The following STAB2 variants were observed in gnomAD, a reference collection of about 807,000 sequenced individuals.
STAB2 encodes the protein stabilin 2.
A neutral mutation model predicts 338.1 loss-of-function variants in STAB2; 288 were observed. That is an observed-to-expected ratio of 0.85 (90% confidence interval 0.77 to 0.94). The LOEUF (loss-of-function observed/expected upper bound fraction) is 0.94. STAB2 is among the 40% of genes least tolerant of loss of function. The probability of loss-of-function intolerance (pLI) is 0.00; values close to 1 mark genes in which losing one functional copy is unlikely to be tolerated. For missense variants in STAB2, 3,141 were observed against 3,210.1 expected, an observed-to-expected ratio of 0.98 and a Z score of 0.52; for synonymous variants, 1,202 against 1,193.3, an observed-to-expected ratio of 1.01 and a Z score of -0.15.
intron 30 of STAB2, among the ~76,000 whole-genome samples, chr12:103,691,015 T>G (rs993622045): frequency 6.6e-6 from 1 of 152,194 alleles, no homozygotes; most frequent in Non-Finnish European, 1.5e-5. Context: ...CAACAACTAT[T>G]GAGCACCTAC....
intron 28 of STAB2, among the ~76,000 whole-genome samples, 167 bp downstream of exon 28, chr12:103,688,382 A>T (rs912477536): frequency 4.6e-5 from 7 of 152,176 alleles, no homozygotes; most frequent in African/African-American, 7.2e-5. Flanking sequence ...ACACATTTTT[A>T]AAAAATATTC....
chr12:103,696,670 G>A (rs189600195), intron 33 of STAB2, among the ~76,000 whole-genome samples: 61 of 152,280 alleles, frequency 4.0e-4, no homozygotes, highest in African/African-American at 1.4e-3. Context: ...AAATAGAGAA[G>A]GGGAGAAGAG....
chr12:103,761,356 C>T lies in STAB2; in HGVS notation c.7305C>T (p.Ser2435=), dbSNP rs757440880. The T allele has an allele frequency of 6.2e-7, 1 of 1,613,964 alleles. No individual in the cohort carries two copies. The highest frequency in any genetic ancestry group is 1.7e-5 in the Admixed American group (1 of 59,998). Reference sequence around the variant, plus strand: ...TTCTGCAGTGGGACATCTTTGCCTCCAATGGGATCATTCATGTCATTTCCA... The same window carrying T: ...TTCTGCAGTGGGACATCTTTGCCTCTAATGGGATCATTCATGTCATTTCCA... ...RAILQWDIFA[S]NGIIHVISRP... The change falls in exon 66 of 69, where the codon TCC becomes TCT. Residue 2435 remains serine, a synonymous_variant. Transcript: ENST00000388887.
At chr12:103,631,017 C>T (rs74791071) in intron 5 of STAB2, among the ~76,000 whole-genome samples, 2 of 152,230 alleles carry the variant, frequency 1.3e-5, no homozygotes, top group Non-Finnish European at 2.9e-5. Flanking sequence ...ACAAACCAAC[C>T]ACAAACTAAA....
At chr12:103,762,727 G>A (rs574859150) in intron 67 of STAB2, among the ~76,000 whole-genome samples, 104 of 152,318 alleles carry the variant, frequency 6.8e-4, no homozygotes, top group African/African-American at 2.5e-3. Flanking sequence ...TACCTTGGAG[G>A]ATTCACTGCA....
intron 44 of STAB2, among the ~76,000 whole-genome samples, chr12:103,720,410 T>C (rs1305058396): frequency 6.6e-6 from 1 of 152,200 alleles, no homozygotes; most frequent in African/African-American, 2.4e-5. Flanking sequence ...ACCCAAATCA[T>C]ATTGCTGCTC....
At chr12:103,623,502 C>T (rs900170278) in intron 5 of STAB2, among the ~76,000 whole-genome samples, 15 of 152,032 alleles carry the variant, frequency 9.9e-5, no homozygotes, top group Admixed American at 5.2e-4. Flanking sequence ...GTCAGAGTTA[C>T]GAAATATGAG....
intron 12 of STAB2, among the ~76,000 whole-genome samples, 196 bp from the exon 13 acceptor site, chr12:103,654,359 A>G (rs1398502840): frequency 6.6e-6 from 1 of 152,216 alleles, no homozygotes; most frequent in East Asian, 1.9e-4. Context: ...ACATCATATC[A>G]TTTGATCTTA....
chr12:103,719,768 C>T (rs533951812), intron 44 of STAB2, among the ~76,000 whole-genome samples: 92 of 145,196 alleles, frequency 6.3e-4, no homozygotes, highest in African/African-American at 2.5e-3. Flanking sequence ...TAGGACAGTT[C>T]AACCCACTAG....
intron 50 of STAB2, among the ~76,000 whole-genome samples, 186 bp from the exon 51 acceptor site, chr12:103,732,820 A>G (rs1041865107): frequency 2.0e-5 from 3 of 152,126 alleles, no homozygotes; most frequent in African/African-American, 7.2e-5. Context: ...TAAGAAAAAA[A>G]ATTGTAGGTC....
chr12:103,610,485 A>G (rs960294030), intron 3 of STAB2, among the ~76,000 whole-genome samples: 5 of 152,292 alleles, frequency 3.3e-5, no homozygotes, highest in Admixed American at 2.0e-4. Flanking sequence ...GGAGGTGTTT[A>G]TAATATTATC....
Position 103,740,720 on chromosome 12 carries a change from A to G in STAB2, c.5845A>G (p.Arg1949Gly). Residue 1949 changes from arginine to glycine, a missense_variant, in exon 55 of 69, where the codon AGG (arginine) becomes GGG (glycine). Coordinates refer to ENST00000388887, the MANE Select transcript of STAB2 (RefSeq NM_017564.10). ...GTGCAGCCTGGTGATACAGATCCCC[A>G]GGTGCTGCAAGGGCTACTTCGGGCG... ...ERCSLVIQIP[R>G]CCKGYFGRDC... 6.2e-7 allele frequency: 1 copy of G among 1,600,736 alleles called. No individual in the cohort carries two copies. The highest frequency in any genetic ancestry group is 1.3e-5 in the African/African-American group (1 of 74,188).
At chr12:103,679,836 T>G (rs1876735821) in intron 25 of STAB2, among the ~76,000 whole-genome samples, 1 of 152,242 alleles carries the variant, frequency 6.6e-6, no homozygotes, top group African/African-American at 2.4e-5. Flanking sequence ...CCCGTATTCA[T>G]AGCAGCATTA....
At chr12:103,736,079 T>A (rs1464507793) in intron 52 of STAB2, among the ~76,000 whole-genome samples, 1 of 152,200 alleles carries the variant, frequency 6.6e-6, no homozygotes, top group East Asian at 1.9e-4. Flanking sequence ...TAATTCCATA[T>A]GATGAATGGG....
At position 103,766,611 on chromosome 12, in the gene STAB2, G is replaced by A; in HGVS notation, c.*275G>A. 1 of 402,590 alleles carries A rather than the reference G, an allele frequency of 2.5e-6. No individual in the cohort carries two copies. Among genetic ancestry groups the A allele is most frequent in the Non-Finnish European group, 4.5e-6 (1 of 221,206 alleles). The allele number at this position is 402,590 out of a possible 1,614,324, so 24.9% of individuals were successfully genotyped here. ...TCTGCCCTACATGATGGGTAACTGT[G>A]ATCTTTCTTCCCTGTTAGATTGTAA... On this transcript the variant is annotated 3_prime_UTR_variant, in exon 69 of 69. Coordinates refer to ENST00000388887, the MANE Select transcript of STAB2 (RefSeq NM_017564.10).
At chr12:103,764,253 T>A (rs1471167787) in intron 68 of STAB2, among the ~76,000 whole-genome samples, 2 of 152,202 alleles carry the variant, frequency 1.3e-5, no homozygotes, top group African/African-American at 4.8e-5. Flanking sequence ...GCATCTGGCC[T>A]TAGATGTCCT....
intron 67 of STAB2, among the ~76,000 whole-genome samples, chr12:103,762,651 C>T (rs1462254711): frequency 1.3e-5 from 2 of 152,296 alleles, no homozygotes; most frequent in East Asian, 3.9e-4. Context: ...GGAGAGAACC[C>T]ACCCTGAGCC....
At chr12:103,709,832 T>C (rs1879689411) in intron 39 of STAB2, among the ~76,000 whole-genome samples, 1 of 152,122 alleles carries the variant, frequency 6.6e-6, no homozygotes, top group Non-Finnish European at 1.5e-5. Context: ...ACATAAACAG[T>C]AGGACATTTT....
Position 103,728,940 on chromosome 12 carries a change from T to G in STAB2, c.5027T>G (p.Leu1676Trp), listed in dbSNP as rs779409030. Reference protein sequence around the residue: ...CHQLLLENLKLISNATSLQGE... With the variant: ...CHQLLLENLKWISNATSLQGE... Reference sequence around the variant, plus strand: ...CAGCTGCTTCTGGAAAACCTGAAATTGATCTCAAATGCTACTTCCCTCCAA... The same window carrying G: ...CAGCTGCTTCTGGAAAACCTGAAATGGATCTCAAATGCTACTTCCCTCCAA... Residue 1676 changes from leucine (L) to tryptophan (W), a missense_variant, in exon 48 of 69, where the codon TTG (leucine) becomes TGG (tryptophan). Transcript: ENST00000388887. 1.9e-6 allele frequency: 3 copies of G among 1,613,940 alleles called. No homozygotes were observed. Among genetic ancestry groups the G allele is most frequent in the Middle Eastern group, 1.7e-4 (1 of 6,056 alleles).
Sources: allele counts gnomAD v4.1 joint callset (sites outside exome capture counted in the v4.1 genomes callset), GRCh38; gene constraint gnomAD v4.1.1; transcripts MANE v1.5; gene names NCBI Gene and HGNC (gene_info 2026-07-23, HGNC 2026-07-21).